YBEY: variants seen among roughly 807,000 people sequenced by gnomAD.
The protein encoded by YBEY is ybeY metalloendoribonuclease.
Under a neutral mutation model 13.5 loss-of-function variants are expected in YBEY, and 15 were observed. The ratio of observed to expected loss-of-function variants is 1.11; its 90% CI spans 0.75 to 1.72. YBEY has a LOEUF of 1.72. YBEY is among the 40% of genes most tolerant of loss of function. YBEY has a pLI of 0.00. For synonymous variants in YBEY, 101 were observed against 83.1 expected (o/e 1.21, Z -1.17); for missense variants, 244 against 208.4 (o/e 1.17, Z -1.05).
At chr21:46,309,014 T>G in the YBEY span, among the ~76,000 whole-genome samples, 1 of 152,160 alleles carries the variant, frequency 6.6e-6, no homozygotes, top group Non-Finnish European at 1.5e-5. Flanking sequence ...TGAATTTCTT[T>G]TCTCTATAAA....
intron 2 of YBEY, among the ~76,000 whole-genome samples, chr21:46,288,355 T>C (rs2839199): frequency 0.41 from 62,288 of 152,150 alleles, 13,328 homozygotes; most frequent in Admixed American, 0.48. Context: ...CCTTTAGTCC[T>C]GTGGTGACAC....
chr21:46,294,846 A>T (rs915607785), intron 3 of YBEY, among the ~76,000 whole-genome samples: 6 of 152,174 alleles, frequency 3.9e-5, no homozygotes, highest in African/African-American at 1.4e-4. Context: ...CTGCACAGCC[A>T]TGCCCTGAAT....
chr21:46,302,402 T>C (rs2145886972), downstream of YBEY: 3 of 1,197,264 alleles, frequency 2.5e-6, no homozygotes, highest in South Asian at 1.3e-5. Context: ...CTTTCAGAGC[T>C]ACACAGATGC....
chr21:46,309,722 C>T, the YBEY span, among the ~76,000 whole-genome samples: 9 of 152,142 alleles, frequency 5.9e-5, no homozygotes, highest in Non-Finnish European at 1.2e-4. Context: ...GCAGGCCAGG[C>T]ATGGTGGCCC....
chr21:46,298,292 G>T (rs1374679071), downstream of YBEY, among the ~76,000 whole-genome samples: 1 of 152,202 alleles, frequency 6.6e-6, no homozygotes, highest in East Asian at 1.9e-4. Flanking sequence ...GTCCCCTTGG[G>T]AACACGGGCC....
chr21:46,289,275 G>A (rs1306711383), intron 2 of YBEY, among the ~76,000 whole-genome samples: 1 of 152,104 alleles, frequency 6.6e-6, no homozygotes, highest in African/African-American at 2.4e-5. Flanking sequence ...TGGGAGGGAT[G>A]AAAGAAATGA....
downstream of YBEY, among the ~76,000 whole-genome samples, chr21:46,299,204 G>A (rs2082049075): frequency 6.6e-6 from 1 of 152,160 alleles, no homozygotes; most frequent in Non-Finnish European, 1.5e-5. Context: ...CTGACCTCAA[G>A]TGATTGATCC....
At chr21:46,293,545 CCCG>C (rs1310559656) in intron 3 of YBEY, among the ~76,000 whole-genome samples, 1 of 11,914 alleles carries the variant, frequency 8.4e-5, no homozygotes, top group African/African-American at 4.0e-4. Flanking sequence ...TTAAATTCCT[CCCG>C]CGGTTAGCCT....
chr21:46,297,629 A>T lies in YBEY; in HGVS notation c.499A>T (p.Ser167Cys). The part of the protein sequence containing the change: ...QPLTRGLFGG[S>C] Reference sequence around the variant, plus strand: ...CCTGACCCGGGGCCTCTTCGGAGGGAGCTGAGGGCCGCGTTCCTTCTGAAA... The same window carrying T: ...CCTGACCCGGGGCCTCTTCGGAGGGTGCTGAGGGCCGCGTTCCTTCTGAAA... The change falls in exon 5 of 5, where the codon AGC (serine) becomes TGC (cysteine). Residue 167 changes from serine to cysteine, a missense_variant. Physicochemically the swap from Ser to Cys is moderately radical, Grantham distance 112. Coordinates refer to ENST00000397701, the MANE Select transcript of YBEY (RefSeq NM_001314025.2). The T allele has an allele frequency of 7.6e-7, 1 of 1,316,682 alleles. No homozygotes were observed. Among genetic ancestry groups the T allele is most frequent in the Non-Finnish European group, 9.8e-7 (1 of 1,020,292 alleles). The allele number at this position is 1,316,682 out of a possible 1,614,324, so 81.6% of individuals were successfully genotyped here.
chr21:46,313,025 T>C, the YBEY span: 2 of 985,458 alleles, frequency 2.0e-6, no homozygotes, highest in Non-Finnish European at 2.4e-6. Context: ...TGCCTGGCCT[T>C]GTCCCTTCTT....
the YBEY span, among the ~76,000 whole-genome samples, chr21:46,312,609 G>A: frequency 7.2e-5 from 11 of 152,120 alleles, no homozygotes; most frequent in Admixed American, 3.3e-4. Flanking sequence ...ATGCAGTAGC[G>A]GTTGGCCACC....
the YBEY span, among the ~76,000 whole-genome samples, chr21:46,302,822 GC>G: frequency 3.1e-4 from 1 of 3,278 alleles, no homozygotes; most frequent in Non-Finnish European, 6.5e-4. Flanking sequence ...CCCGGGGCGC[GC>G]CCTGAGCCCG....
chr21:46,303,761 T>A, the YBEY span, among the ~76,000 whole-genome samples: 2 of 87,766 alleles, frequency 2.3e-5, no homozygotes, highest in East Asian at 3.4e-4. Flanking sequence ...TTTTTTTTTT[T>A]TTTTTTTGGA....
chr21:46,298,433 G>GTTTTTTTTTTTTTTTTTTTTTTTTT (rs1569107101), downstream of YBEY, among the ~76,000 whole-genome samples: 1 of 67,238 alleles, frequency 1.5e-5, no homozygotes, highest in African/African-American at 4.7e-5. Context: ...TTTAATCCAA[G>GTTTTTTTTTTTTTTTTTTTTTTTTT]CTTTTTTTTT....
chr21:46,288,593 C>A (rs867151690), intron 2 of YBEY, among the ~76,000 whole-genome samples: 2 of 152,080 alleles, frequency 1.3e-5, no homozygotes, highest in African/African-American at 2.4e-5. Context: ...GCAGGAAAAT[C>A]TCTTGAACCA....
intron 3 of YBEY, among the ~76,000 whole-genome samples, chr21:46,294,566 C>G (rs1361303518): frequency 1.2e-4 from 9 of 73,628 alleles, no homozygotes; most frequent in African/African-American, 2.6e-4. Context: ...AAGTTAAACT[C>G]TAGATTAAAT....
At chr21:46,305,956 G>T in the YBEY span, among the ~76,000 whole-genome samples, 2 of 150,492 alleles carry the variant, frequency 1.3e-5, no homozygotes, top group African/African-American at 2.4e-5. Flanking sequence ...AAAAAGAAAA[G>T]AATCTTGAGT....
At chr21:46,306,572 GTTTT>G in the YBEY span, among the ~76,000 whole-genome samples, 2 of 152,096 alleles carry the variant, frequency 1.3e-5, no homozygotes, top group Non-Finnish European at 2.9e-5. Flanking sequence ...TCCTGCAAAT[GTTTT>G]TTATTTCCAT....
intron 3 of YBEY, chr21:46,291,847 G>T: frequency 9.4e-7 from 1 of 1,060,046 alleles, no homozygotes; most frequent in South Asian, 3.0e-5. Context: ...TCCACCTATG[G>T]GTTCTTCCTG....
Sources: gnomAD v4.1 joint callset for allele counts (sites outside exome capture counted in the v4.1 genomes callset) on GRCh38, gnomAD v4.1.1 for gene constraint, MANE v1.5 for transcripts, NCBI Gene and HGNC (gene_info 2026-07-23, HGNC 2026-07-21) for gene names.